Variants in ELP1 observed in about 807,000 individuals in gnomAD.
ELP1 encodes elongator acetyltransferase complex subunit 1.
In ELP1, 131 loss-of-function variants were observed where a neutral mutation model predicts 183.2. The observed-to-expected ratio is 0.72, with a 90% confidence interval of 0.62 to 0.83. ELP1 has a LOEUF of 0.83. Among genes scored for constraint, ELP1 ranks in the 40% least tolerant of loss-of-function variants. The pLI, the probability that ELP1 is intolerant of heterozygous loss-of-function variation, is 0.00. For synonymous variants in ELP1, 555 were observed against 569.0 expected (o/e 0.98, Z 0.35); for missense variants, 1,550 against 1,594.9 (o/e 0.97, Z 0.48).
In ELP1 at chr9:108,899,815, C is replaced by T. The variant is rs1480239099; in HGVS notation, c.2204+7G>A. 1.2e-6 allele frequency: 2 copies of T among 1,610,772 alleles called. No homozygotes were observed. The highest frequency in any genetic ancestry group is 2.2e-5 in the East Asian group (1 of 44,862). ...TAACTAGTCGCAAACAGTACAATGGCACTTACTTGTCCAACCACTTCCGAA... is the reference window on the plus strand; with the variant it reads ...TAACTAGTCGCAAACAGTACAATGGTACTTACTTGTCCAACCACTTCCGAA... On this transcript the variant is annotated splice_region_variant and intron_variant, in intron 20 of 36. Transcript: ENST00000374647.
At chr9:108,910,239 G>A (rs1176802446) in intron 12 of ELP1, among the ~76,000 whole-genome samples, 1 of 152,082 alleles carries the variant, frequency 6.6e-6, no homozygotes, top group African/African-American at 2.4e-5. Context: ...CAGAGAAACT[G>A]GTGATACATC....
chr9:108,912,501 G>A lies in ELP1; in HGVS notation c.959-7C>T, dbSNP rs1266320393. On this transcript the variant is annotated splice_region_variant and splice_polypyrimidine_tract_variant and intron_variant, in intron 10 of 36. Coordinates refer to ENST00000374647, the MANE Select transcript of ELP1 (RefSeq NM_003640.5). ...CCAACAGTCCAGAGCTGAACTGCAA[G>A]GGAAAATGAAAAGAAGGCCGTTAGA... is the stretch of plus-strand genomic sequence containing the variant. The A allele has an allele frequency of 6.2e-7, 1 of 1,606,296 alleles. No individual in the cohort carries two copies. Among genetic ancestry groups the A allele is most frequent in the Non-Finnish European group, 8.5e-7 (1 of 1,173,226 alleles).
At position 108,934,106 on chromosome 9, in the gene ELP1, G is replaced by A; in HGVS notation, c.-298C>T. Reference sequence around the variant, plus strand: ...ACTCAATGGGTGCGTCAACTAGGCAGCCGCAGCACTGGGAGTGCGGCGCGG... The same window carrying A: ...ACTCAATGGGTGCGTCAACTAGGCAACCGCAGCACTGGGAGTGCGGCGCGG... On this transcript the variant is annotated 5_prime_UTR_variant, in exon 1 of 37. Transcript: ENST00000374647. The A allele has an allele frequency of 9.4e-6, 2 of 213,034 alleles. No individual in the cohort carries two copies. The highest frequency in any genetic ancestry group is 1.2e-4 in the South Asian group (2 of 16,960). 13.2% of individuals were successfully genotyped at this position (213,034 alleles called of 1,614,324 possible). A position where few individuals can be genotyped will look rare whatever the true frequency, so the allele number is the denominator to read the frequency against.
At chr9:108,888,064 T>C (rs1337626702) in intron 29 of ELP1, among the ~76,000 whole-genome samples, 1 of 152,148 alleles carries the variant, frequency 6.6e-6, no homozygotes, top group Admixed American at 6.5e-5. Context: ...GACATATACA[T>C]ATAATGGGAT....
chr9:108,914,152 A>G (rs1055600702), intron 10 of ELP1, among the ~76,000 whole-genome samples: 8 of 152,094 alleles, frequency 5.3e-5, no homozygotes, highest in Non-Finnish European at 1.0e-4. Context: ...CTGTAATCCC[A>G]GCACTTTGGG....
At chr9:108,911,331 G>A in intron 11 of ELP1, 151 bp from the exon 12 acceptor site, 2 of 804,966 alleles carry the variant, frequency 2.5e-6, no homozygotes, top group African/African-American at 1.7e-5. Context: ...TAAAAACAGT[G>A]TGGGATGGGG....
In ELP1 at chr9:108,903,002, A is replaced by G. The variant is rs1182841589; in HGVS notation, c.1751-60T>C. 4 of 1,219,488 alleles carry G rather than the reference A, an allele frequency of 3.3e-6. No individual in the cohort carries two copies. The African/African-American group carries it at 4.5e-5, about 14-fold the overall frequency. 75.5% of individuals were successfully genotyped at this position (1,219,488 alleles called of 1,614,324 possible). On this transcript the variant is annotated intron_variant, in intron 15 of 36. Coordinates refer to ENST00000374647, the MANE Select transcript of ELP1 (RefSeq NM_003640.5). The stretch of plus-strand genomic sequence containing the variant: ...GATGCGCTCTTTGCAAAAAACCATC[A>G]ACATCAACATTTGCTAAAACACTTA...
At chr9:108,900,137 G>A (rs1374113662) in intron 19 of ELP1, 123 bp downstream of exon 19, 5 of 831,642 alleles carry the variant, frequency 6.0e-6, no homozygotes, top group Non-Finnish European at 8.1e-6. Flanking sequence ...AAACTATCAA[G>A]GAAAGGTTTA....
At chr9:108,902,777 C>T in intron 16 of ELP1, 62 bp downstream of exon 16, 2 of 1,261,568 alleles carry the variant, frequency 1.6e-6, no homozygotes, top group Admixed American at 3.4e-5. Context: ...GCTCTTTCTA[C>T]TTAATGCCAT....
rs2132025215 is a variant in ELP1, at chr9:108,916,261, G to A, written c.901C>T (p.Leu301Phe). The A allele has an allele frequency of 6.2e-7, 1 of 1,614,140 alleles. No individual in the cohort carries two copies. The highest frequency in any genetic ancestry group is 8.5e-7 in the Non-Finnish European group (1 of 1,179,992). Residue 301 changes from leucine to phenylalanine, a missense_variant, in exon 10 of 37, where the codon CTT (leucine) becomes TTT (phenylalanine). Physicochemically the swap from Leu to Phe is conservative, Grantham distance 22. Coordinates refer to ENST00000374647, the MANE Select transcript of ELP1 (RefSeq NM_003640.5). Reference sequence around the variant, plus strand: ...TGAAGGTCTTCCAGCCAGACTGCAAGCACAGAGGAATCTGCATTCCAGAGC... The same window carrying A: ...TGAAGGTCTTCCAGCCAGACTGCAAACACAGAGGAATCTGCATTCCAGAGC... ...DLLWNADSSV[L>F]AVWLEDLQRE...
chr9:108,902,964 T>G, intron 15 of ELP1, 22 bp from the exon 16 acceptor site: 2 of 1,576,854 alleles, frequency 1.3e-6, no homozygotes, highest in South Asian at 1.1e-5. Context: ...ACAGATCTAG[T>G]TCACAAATAG....
At chr9:108,880,990 T>C (rs1827908115) in intron 31 of ELP1, among the ~76,000 whole-genome samples, 1 of 152,218 alleles carries the variant, frequency 6.6e-6, no homozygotes, top group Non-Finnish European at 1.5e-5. Flanking sequence ...AACCACTCCC[T>C]AAGGTTTCTA....
intron 29 of ELP1, among the ~76,000 whole-genome samples, chr9:108,885,522 G>A (rs79046790): frequency 0.91 from 138,672 of 152,038 alleles, 63,422 homozygotes; most frequent in African/African-American, 0.94. Context: ...TAGTGGAAAA[G>A]CTTTCATTAA....
rs747730769 is a variant in ELP1, at chr9:108,897,174, T to C, written c.2475A>G (p.Ala825=). 3 of 1,614,196 alleles carry C rather than the reference T, an allele frequency of 1.9e-6. No homozygotes were observed. The East Asian group carries it at 6.7e-5, about 36-fold the overall frequency. ...TATGAGGATTTATGCTCTCCATGAC[T>C]GCTCTCATAGCATCGCAGACAAGGT... ...KIDLVCDAMR[A]VMESINPHKY... The change falls in exon 23 of 37, where the codon GCA becomes GCG. Residue 825 remains alanine, a synonymous_variant. Transcript: ENST00000374647.
intron 20 of ELP1, 43 bp downstream of exon 20, chr9:108,899,779 A>G (rs752611085): frequency 1.4e-6 from 2 of 1,470,288 alleles, no homozygotes; most frequent in South Asian, 2.3e-5. Context: ...CTTCACACAT[A>G]AATCACAAGC....
At chr9:108,927,932 T>C (rs931367834) in intron 3 of ELP1, among the ~76,000 whole-genome samples, 2 of 151,450 alleles carry the variant, frequency 1.3e-5, no homozygotes, top group Admixed American at 6.6e-5. Context: ...GGTTAATAGG[T>C]ACAAAAAAAA....
At chr9:108,905,998 T>G (rs1051353998) in intron 14 of ELP1, among the ~76,000 whole-genome samples, 5 of 152,140 alleles carry the variant, frequency 3.3e-5, no homozygotes, top group African/African-American at 1.2e-4. Context: ...TAAAATCAAT[T>G]ATAACATATA....
At chr9:108,887,636 T>C (rs959412381) in intron 29 of ELP1, among the ~76,000 whole-genome samples, 6 of 152,186 alleles carry the variant, frequency 3.9e-5, no homozygotes, top group Non-Finnish European at 5.9e-5. Flanking sequence ...AATACCTTAA[T>C]TGCAGCCTTG....
chr9:108,900,236 A>G (rs1304473539), intron 19 of ELP1, 24 bp downstream of exon 19: 2 of 1,489,294 alleles, frequency 1.3e-6, no homozygotes, highest in Non-Finnish European at 1.9e-6. Flanking sequence ...CAGACTATCT[A>G]TCTTGTCTGA....
Sources: gnomAD v4.1 joint callset for allele counts (sites outside exome capture counted in the v4.1 genomes callset) on GRCh38, gnomAD v4.1.1 for gene constraint, MANE v1.5 for transcripts, NCBI Gene and HGNC (gene_info 2026-07-23, HGNC 2026-07-21) for gene names.